WASF3: variants seen among roughly 807,000 people sequenced by gnomAD.
The protein encoded by WASF3 is actin-binding protein WASF3.
In WASF3, 11 loss-of-function variants were observed where a neutral mutation model predicts 46.6. The ratio of observed to expected loss-of-function variants is 0.24; its 90% CI spans 0.15 to 0.39. WASF3 has a LOEUF of 0.39. Among genes scored for constraint, WASF3 ranks in the 10% least tolerant of loss-of-function variants. The pLI is 1.00. For synonymous variants in WASF3, 242 were observed against 259.7 expected (o/e 0.93, Z 0.65); for missense variants, 576 against 669.8 (o/e 0.86, Z 1.55).
At chr13:26,615,220 T>G (rs1313062697) in intron 2 of WASF3, among the ~76,000 whole-genome samples, 3 of 152,208 alleles carry the variant, frequency 2.0e-5, no homozygotes, top group South Asian at 4.1e-4. Flanking sequence ...CATGTTAGAA[T>G]GTACATATTA....
At chr13:26,666,629 G>T (rs962796227) in intron 4 of WASF3, among the ~76,000 whole-genome samples, 3 of 152,156 alleles carry the variant, frequency 2.0e-5, no homozygotes, top group African/African-American at 7.2e-5. Flanking sequence ...GCTGGGCGCG[G>T]TGGCTCACGC....
intron 1 of WASF3, among the ~76,000 whole-genome samples, chr13:26,602,367 C>T (rs535553781): frequency 6.6e-6 from 1 of 152,262 alleles, no homozygotes; most frequent in East Asian, 1.9e-4. Context: ...TGAACTTTTA[C>T]ATTTATTTCT....
chr13:26,618,713 C>G (rs961927504), intron 2 of WASF3: 1 of 152,148 alleles, frequency 6.6e-6, no homozygotes, highest in Non-Finnish European at 1.5e-5. Flanking sequence ...CATTCTTGTA[C>G]ATGAATTCTG....
At chr13:26,541,767 G>GC in the WASF3 span, among the ~76,000 whole-genome samples, 26,442 of 152,118 alleles carry the variant, frequency 0.17, 2,877 homozygotes, top group East Asian at 0.26. Flanking sequence ...ACAGGCATGA[G>GC]CCACTGTGCC....
rs1361674635 is a variant in WASF3 at position 26,642,389 on chromosome 13, A to T, written c.119A>T (p.Gln40Leu). The change falls in exon 3 of 10, where the codon CAG becomes CTG. Residue 40 changes from glutamine to leucine, a missense_variant. Gln to Leu is a moderately radical substitution (Grantham distance 113). Transcript: ENST00000335327. ...TNSTLAAIIR[Q>L]LSSLSKHAED... ...AGTACTCTTGCCGCTATCATACGCC[A>T]GCTGAGCAGTCTGAGTAAGCCATCT... 1.3e-6 allele frequency: 2 copies of T among 1,598,268 alleles called. No individual in the cohort carries two copies. Among genetic ancestry groups the T allele is most frequent in the Admixed American group, 3.6e-5 (2 of 56,062 alleles).
intron 2 of WASF3, among the ~76,000 whole-genome samples, chr13:26,621,825 TAGTG>T (rs1471850729): frequency 6.6e-6 from 1 of 152,100 alleles, no homozygotes; most frequent in African/African-American, 2.4e-5. Flanking sequence ...AATGTTATGT[TAGTG>T]AGTATCTTTT....
At chr13:26,587,168 T>A (rs1880154151) in intron 1 of WASF3, among the ~76,000 whole-genome samples, 2 of 150,496 alleles carry the variant, frequency 1.3e-5, no homozygotes, top group Non-Finnish European at 3.0e-5. Flanking sequence ...AATCCTCATT[T>A]TTTTTGCTTT....
At position 26,685,785 on chromosome 13, in the gene WASF3, C is replaced by T. The variant is rs201615633; in HGVS notation, c.1449C>T (p.Ala483=). ...CCACGATCCTGTCCCGGCGCATTGCCGTGGAGTACAGCGACTCTGACGACG... is the reference window on the plus strand; with the variant it reads ...CCACGATCCTGTCCCGGCGCATTGCTGTGGAGTACAGCGACTCTGACGACG... The part of the protein sequence containing the change: ...DVATILSRRI[A]VEYSDSDDDS... Residue 483 remains alanine, a synonymous_variant, in exon 10 of 10, where the codon GCC becomes GCT. Transcript: ENST00000335327. 83 of 1,608,528 alleles carry T rather than the reference C, an allele frequency of 5.2e-5. No homozygotes were observed. Among genetic ancestry groups the T allele is most frequent in the East Asian group, 1.8e-4 (8 of 44,264 alleles).
At chr13:26,625,015 C>CCG (rs1398120616) in intron 2 of WASF3, among the ~76,000 whole-genome samples, 2 of 152,084 alleles carry the variant, frequency 1.3e-5, no homozygotes, top group Non-Finnish European at 2.9e-5. Context: ...GCAGAAGGGG[C>CCG]ATCAGATGGC....
intron 2 of WASF3, among the ~76,000 whole-genome samples, chr13:26,635,918 C>CT (rs1414140535): frequency 1.3e-5 from 2 of 152,234 alleles, no homozygotes; most frequent in African/African-American, 2.4e-5. Flanking sequence ...TATGAGGTGT[C>CT]TATCAGCCCC....
intron 1 of WASF3, among the ~76,000 whole-genome samples, chr13:26,586,026 G>A (rs909605298): frequency 1.3e-5 from 2 of 152,108 alleles, no homozygotes; most frequent in African/African-American, 4.8e-5. Context: ...GGAATAGAGT[G>A]CTGTACTTGG....
At chr13:26,554,088 C>CTTTTCTTTCTTTCTTTCTTTCT, upstream of WASF3, among the ~76,000 whole-genome samples, 1 of 27,698 alleles carries the variant, frequency 3.6e-5, no homozygotes, top group South Asian at 1.7e-3. Flanking sequence ...TCCTTCCTTC[C>CTTTTCTTTCTTTCTTTCTTTCT]TTCCTTCCTT....
At chr13:26,668,419 TC>T (rs1386240576) in intron 5 of WASF3, among the ~76,000 whole-genome samples, 1 of 152,172 alleles carries the variant, frequency 6.6e-6, no homozygotes, top group East Asian at 1.9e-4. Flanking sequence ...GTGGAGCTCA[TC>T]CTTTGGCCTC....
intron 1 of WASF3, among the ~76,000 whole-genome samples, chr13:26,591,226 G>A (rs535426691): frequency 3.9e-5 from 6 of 152,210 alleles, no homozygotes; most frequent in South Asian, 2.1e-4. Flanking sequence ...TTAGGTCATC[G>A]TAAAGGTTTT....
At chr13:26,605,940 G>A (rs1272917897) in intron 1 of WASF3, among the ~76,000 whole-genome samples, 2 of 152,130 alleles carry the variant, frequency 1.3e-5, no homozygotes, top group Non-Finnish European at 2.9e-5. Flanking sequence ...TATTTGTTTT[G>A]TTCTGAATCC....
chr13:26,551,805 GC>G, the WASF3 span, among the ~76,000 whole-genome samples: 8 of 152,170 alleles, frequency 5.3e-5, no homozygotes, highest in Non-Finnish European at 1.0e-4. Context: ...ATTTTTAAGG[GC>G]TTTATTTGAC....
At chr13:26,674,588 G>A (rs1883009296) in intron 6 of WASF3, among the ~76,000 whole-genome samples, 1 of 152,164 alleles carries the variant, frequency 6.6e-6, no homozygotes, top group Admixed American at 6.5e-5. Context: ...ATACATAGTT[G>A]TACTACATAT....
Position 26,656,275 on chromosome 13 carries a change from G to A in WASF3, c.134-8753G>A, listed in dbSNP as rs538691301. ...AAAAAAAGTTTCTTTTAAGCTATTC[G>A]TGTCTTAAAACAACTGAGTAAAGTG... is the stretch of plus-strand genomic sequence containing the variant. On this transcript the variant is annotated intron_variant, in intron 3 of 9. Transcript: ENST00000335327. Among the ~76,000 whole-genome samples, 8 of 152,018 alleles carry A rather than the reference G, an allele frequency of 5.3e-5. No homozygotes were observed. The South Asian group carries it at 6.2e-4, about 12-fold the overall frequency.
upstream of WASF3, among the ~76,000 whole-genome samples, chr13:26,555,599 C>T (rs768081461): frequency 4.6e-5 from 7 of 152,110 alleles, no homozygotes; most frequent in Non-Finnish European, 7.3e-5. Flanking sequence ...TTTACCCATC[C>T]CCCTACCATT....
Sources: allele counts gnomAD v4.1 joint callset (sites outside exome capture counted in the v4.1 genomes callset), GRCh38; gene constraint gnomAD v4.1.1; transcripts MANE v1.5; gene names NCBI Gene and HGNC (gene_info 2026-07-23, HGNC 2026-07-21).